The following C2CD2 variants were observed in gnomAD, a reference collection of about 807,000 sequenced individuals.
C2CD2 encodes C2 domain-containing protein 2.
In C2CD2, 43 loss-of-function variants were observed where a neutral mutation model predicts 74.3. The ratio of observed to expected loss-of-function variants is 0.58; its 90% CI spans 0.45 to 0.75. C2CD2 has a LOEUF of 0.75. Ranked by LOEUF, C2CD2 falls within the 30% of genes least tolerant of loss-of-function variation. The pLI is 0.00. For missense variants in C2CD2, 801 were observed against 916.3 expected, an observed-to-expected ratio of 0.87 and a Z score of 1.63; for synonymous variants, 422 against 390.7, an observed-to-expected ratio of 1.08 and a Z score of -0.94.
chr21:41,918,749 AAGG>A lies in C2CD2; in HGVS notation c.597+104_597+106del. 3 of 842,756 alleles carry A rather than the reference AAGG, an allele frequency of 3.6e-6. No homozygotes were observed. The South Asian group carries it at 4.6e-5, about 13-fold the overall frequency. The allele number at this position is 842,756 out of a possible 1,614,324, so 52.2% of individuals were successfully genotyped here. On this transcript the variant is annotated intron_variant, in intron 4 of 13. Transcript: ENST00000380486. Reference sequence around the variant, plus strand: ...CCCAGGAGGAGTGGCTGGGACAGGGAAGGAGGCCAGCAACACCAGCCATGCACT... The same window carrying A: ...CCCAGGAGGAGTGGCTGGGACAGGGAAGGCCAGCAACACCAGCCATGCACT...
At chr21:41,949,617 T>A (rs1016058911) in intron 1 of C2CD2, among the ~76,000 whole-genome samples, 2 of 152,234 alleles carry the variant, frequency 1.3e-5, no homozygotes, top group African/African-American at 4.8e-5. Flanking sequence ...AAATACCATT[T>A]GACCCAGCGA....
chr21:41,914,758 T>G (rs756379151), intron 5 of C2CD2, 37 bp from the exon 6 acceptor site: 3 of 1,596,924 alleles, frequency 1.9e-6, no homozygotes, highest in Non-Finnish European at 2.6e-6. Flanking sequence ...TTGGTCTTCA[T>G]GGGGAGATTG....
In C2CD2 at chr21:41,903,933, A is replaced by C. The variant is rs2064929982; in HGVS notation, c.1432+1791T>G. On this transcript the variant is annotated intron_variant, in intron 11 of 13. Coordinates refer to ENST00000380486, the MANE Select transcript of C2CD2 (RefSeq NM_015500.2). The surrounding 1 kb of genome is among the most constrained non-coding windows in gnomAD (Gnocchi z 4.5). ...AGGAAGGGGCATCAGGGGCAGCGGC[A>C]AAAGCATCAGCGGCATTAGTACCAG... 6.6e-6 allele frequency among the ~76,000 whole-genome samples: 1 copy of C among 152,172 alleles called. No individual in the cohort carries two copies. Among genetic ancestry groups the C allele is most frequent in the African/African-American group, 2.4e-5 (1 of 41,450 alleles).
chr21:41,887,920 G>C lies in C2CD2; in HGVS notation c.*1204C>G, dbSNP rs1251273185. On this transcript the variant is annotated 3_prime_UTR_variant, in exon 14 of 14. Transcript: ENST00000380486. Reference sequence around the variant, plus strand: ...AGTGGCACATTCAGAAGTGAGATCTGTGAATGAACTGAAATAGAAAGGCAA... The same window carrying C: ...AGTGGCACATTCAGAAGTGAGATCTCTGAATGAACTGAAATAGAAAGGCAA... 1.3e-5 allele frequency: 2 copies of C among 152,258 alleles called. No homozygotes were observed. Among genetic ancestry groups the C allele is most frequent in the Non-Finnish European group, 2.9e-5 (2 of 68,044 alleles). The allele number at this position is 152,258 out of a possible 1,614,324, so 9.4% of individuals were successfully genotyped here. A position where few individuals can be genotyped will look rare whatever the true frequency, so the allele number is the denominator to read the frequency against.
intron 8 of C2CD2, chr21:41,908,875 A>G (rs1463441293): frequency 6.5e-6 from 1 of 153,156 alleles, no homozygotes; most frequent in Non-Finnish European, 1.5e-5. Flanking sequence ...TGTTTTAGTG[A>G]CTTTACCTCT....
chr21:41,897,095 G>A (rs1432479511), intron 13 of C2CD2, among the ~76,000 whole-genome samples: 1 of 152,196 alleles, frequency 6.6e-6, no homozygotes, highest in Non-Finnish European at 1.5e-5. Flanking sequence ...CCCAAAGGGT[G>A]GACCCCTCAT....
chr21:41,943,316 C>T (rs777501216), intron 1 of C2CD2, among the ~76,000 whole-genome samples: 1 of 151,984 alleles, frequency 6.6e-6, no homozygotes, highest in East Asian at 1.9e-4. Flanking sequence ...ATTCTCCAAA[C>T]GAGAGACGCA....
intron 2 of C2CD2, among the ~76,000 whole-genome samples, chr21:41,931,897 C>T (rs1264557568): frequency 8.9e-6 from 1 of 111,768 alleles, no homozygotes; most frequent in Non-Finnish European, 2.1e-5. Context: ...CATCCCACCA[C>T]CCCACCTCCA....
At chr21:41,916,487 G>C (rs141698477) in intron 5 of C2CD2, among the ~76,000 whole-genome samples, 1 of 152,262 alleles carries the variant, frequency 6.6e-6, no homozygotes, top group African/African-American at 2.4e-5. Flanking sequence ...GACTGAAACA[G>C]TGACTCTTCA....
chr21:41,907,885 C>G lies in C2CD2; in HGVS notation c.1019-101G>C, dbSNP rs1049368507. 100 of 1,243,696 alleles carry G rather than the reference C, an allele frequency of 8.0e-5. 1 individual carries two copies. The highest frequency in any genetic ancestry group is 1.1e-4 in the Non-Finnish European group (90 of 853,350). The allele number at this position is 1,243,696 out of a possible 1,614,324, so 77.0% of individuals were successfully genotyped here. ...CCCAGCAGCCGGAACACGCTCCTCC[C>G]GTGCATCCAGCCCACGGGGAAGTGC... is the stretch of plus-strand genomic sequence containing the variant. On this transcript the variant is annotated intron_variant, in intron 8 of 13. Transcript: ENST00000380486.
intron 13 of C2CD2, among the ~76,000 whole-genome samples, chr21:41,891,206 G>A (rs978782209): frequency 2.2e-4 from 33 of 151,888 alleles, no homozygotes; most frequent in African/African-American, 8.0e-4. Context: ...GAGACTGCTG[G>A]AAAAGGAATG....
intron 1 of C2CD2, among the ~76,000 whole-genome samples, chr21:41,952,211 TAC>T (rs1035460771): frequency 2.6e-5 from 4 of 152,210 alleles, no homozygotes; most frequent in African/African-American, 9.6e-5. Flanking sequence ...CTCCAAAAAG[TAC>T]AGTCATTTAT....
At chr21:41,940,182 G>C (rs987441359) in intron 2 of C2CD2, among the ~76,000 whole-genome samples, 2 of 152,180 alleles carry the variant, frequency 1.3e-5, no homozygotes, top group Non-Finnish European at 2.9e-5. Flanking sequence ...TACTCAACCT[G>C]TACTTTCAAA....
At chr21:41,927,838 C>T (rs1031098521) in intron 2 of C2CD2, among the ~76,000 whole-genome samples, 3 of 152,136 alleles carry the variant, frequency 2.0e-5, no homozygotes, top group African/African-American at 7.2e-5. Flanking sequence ...AGATGGTGGC[C>T]AACCCCAAGA....
rs957537553 is a variant in C2CD2, at chr21:41,893,783, C to G, written c.1871-4439G>C. On this transcript the variant is annotated intron_variant, in intron 13 of 13. Coordinates refer to ENST00000380486, the MANE Select transcript of C2CD2 (RefSeq NM_015500.2). Reference sequence around the variant, plus strand: ...GTGGTGCTATCTCAGCTCACTGCAACCTCCGCCTCCCAGGCTCAAGCGACT... The same window carrying G: ...GTGGTGCTATCTCAGCTCACTGCAAGCTCCGCCTCCCAGGCTCAAGCGACT... Among the ~76,000 whole-genome samples, 7 of 147,404 alleles carry G rather than the reference C, an allele frequency of 4.7e-5. No individual in the cohort carries two copies. The South Asian group carries it at 8.5e-4, about 18-fold the overall frequency.
intron 13 of C2CD2, among the ~76,000 whole-genome samples, chr21:41,894,400 G>A (rs1256719338): frequency 6.6e-6 from 1 of 152,198 alleles, no homozygotes; most frequent in Admixed American, 6.5e-5. Flanking sequence ...GTGGCTGGCT[G>A]GGGTCGCACA....
In C2CD2 at chr21:41,926,621, G is replaced by C; in HGVS notation, c.379-4536C>G. 2 of 984,652 alleles carry C rather than the reference G, an allele frequency of 2.0e-6. No homozygotes were observed. Among genetic ancestry groups the C allele is most frequent in the Non-Finnish European group, 2.4e-6 (2 of 829,338 alleles). The allele number at this position is 984,652 out of a possible 1,614,324, so 61.0% of individuals were successfully genotyped here. A position where few individuals can be genotyped will look rare whatever the true frequency, so the allele number is the denominator to read the frequency against. ...AACTATTCCTTTGTTTAGACTTGGG[G>C]CCAAAAAATTCCAGGCACAGTTACT... On this transcript the variant is annotated intron_variant, in intron 2 of 13. Transcript: ENST00000380486. This position sits in a 1 kb window ranked among gnomAD's most constrained non-coding sequence, Gnocchi z 8.0.
rs545385108 is a variant in C2CD2, at chr21:41,888,339, C to T, written c.*785G>A. On this transcript the variant is annotated 3_prime_UTR_variant, in exon 14 of 14. Transcript: ENST00000380486. ...CAAGTATGACAGGCAGGAAAAAAAA[C>T]CCTGGATGTCAACTGCTCCACTAGC... 1 of 152,546 alleles carries T rather than the reference C, an allele frequency of 6.6e-6. No individual in the cohort carries two copies. Among genetic ancestry groups the T allele is most frequent in the South Asian group, 2.1e-4 (1 of 4,814 alleles). 9.4% of individuals were successfully genotyped at this position (152,546 alleles called of 1,614,324 possible).
At chr21:41,942,982 T>C in intron 1 of C2CD2, 1 of 981,644 alleles carries the variant, frequency 1.0e-6, no homozygotes, top group African/African-American at 1.7e-5. Flanking sequence ...TCAGCTCATG[T>C]CTGTTCTGGT....
Sources: gnomAD v4.1 joint callset for allele counts (sites outside exome capture counted in the v4.1 genomes callset) on GRCh38, gnomAD v4.1.1 for gene constraint, Gnocchi (gnomAD v3.1) non-coding constraint, MANE v1.5 for transcripts, NCBI Gene and HGNC (gene_info 2026-07-23, HGNC 2026-07-21) for gene names.